Variants in PLCH2 observed in about 807,000 individuals in gnomAD.
PLCH2 encodes the protein 1-phosphatidylinositol 4,5-bisphosphate phosphodiesterase eta-2.
Under a neutral mutation model 134.7 loss-of-function variants are expected in PLCH2, and 98 were observed. The observed-to-expected ratio is 0.73, with a 90% confidence interval of 0.62 to 0.86. The LOEUF (loss-of-function observed/expected upper bound fraction) is 0.86. Among genes scored for constraint, PLCH2 ranks in the 40% least tolerant of loss-of-function variants. PLCH2 has a pLI of 0.00. For synonymous variants in PLCH2, 974 were observed against 827.5 expected, an observed-to-expected ratio of 1.18 and a Z score of -3.04; for missense variants, 1,994 against 1,986.6, an observed-to-expected ratio of 1.00 and a Z score of -0.07.
upstream of PLCH2, among the ~76,000 whole-genome samples, chr1:2,423,784 T>C (rs12118145): frequency 0.17 from 26,504 of 152,180 alleles, 2,486 homozygotes; most frequent in East Asian, 0.34. Flanking sequence ...GTTCTCTCTA[T>C]GGTAGTTAGG....
At chr1:2,425,302 C>T (rs1193654178), upstream of PLCH2, among the ~76,000 whole-genome samples, 1 of 151,810 alleles carries the variant, frequency 6.6e-6, no homozygotes, top group East Asian at 1.9e-4. Flanking sequence ...CACAGATACA[C>T]ATATACATAC....
At chr1:2,445,342 G>A (rs1363528005) in intron 2 of PLCH2, among the ~76,000 whole-genome samples, 1 of 152,134 alleles carries the variant, frequency 6.6e-6, no homozygotes, top group Non-Finnish European at 1.5e-5. Context: ...GGAGACTGGC[G>A]CCTGCTTGGC....
At chr1:2,479,693 G>A (rs1641845021) in intron 2 of PLCH2, 41 bp from the exon 3 acceptor site, 1 of 1,508,394 alleles carries the variant, frequency 6.6e-7, no homozygotes, top group Admixed American at 2.0e-5. Context: ...GGGACGCTGG[G>A]CCCCCGGGGA....
chr1:2,438,195 G>A (rs1639523027), intron 2 of PLCH2, among the ~76,000 whole-genome samples: 1 of 152,256 alleles, frequency 6.6e-6, no homozygotes, highest in South Asian at 2.1e-4. Flanking sequence ...AAATGAGCAA[G>A]CGCGGAGATG....
chr1:2,505,349 C>A lies in PLCH2; in HGVS notation c.*136C>A. On this transcript the variant is annotated 3_prime_UTR_variant, in exon 22 of 22. Transcript: ENST00000378486. ...CCCTGTGTCCCCTCCACCCCTGCCT[C>A]CCTCCTGCCCCTGCTCCCGGGGAGG... 1 of 635,716 alleles carries A rather than the reference C, an allele frequency of 1.6e-6. No individual in the cohort carries two copies. The highest frequency in any genetic ancestry group is 2.6e-6 in the Non-Finnish European group (1 of 378,922). The allele number at this position is 635,716 out of a possible 1,614,324, so 39.4% of individuals were successfully genotyped here.
chr1:2,502,268 G>C lies in PLCH2; in HGVS notation c.2818G>C (p.Gly940Arg). ...ASAPTKSQKP[G>R]RRGFPELVLG... is the part of the protein sequence containing the mutation. ...CGCCCCGACCAAGAGCCAGAAGCCG[G>C]GCCGCAGGGGCTTCCCGGAGCTGGT... The change falls in exon 21 of 22, where the codon GGC becomes CGC. Residue 940 changes from glycine to arginine, a missense_variant. Transcript: ENST00000378486. 1 of 1,540,112 alleles carries C rather than the reference G, an allele frequency of 6.5e-7. No individual in the cohort carries two copies. The highest frequency in any genetic ancestry group is 8.7e-7 in the Non-Finnish European group (1 of 1,144,088).
rs777925023 is a variant in PLCH2, at chr1:2,479,872, C to A, written c.410C>A (p.Ser137Tyr). 1 of 1,611,766 alleles carries A rather than the reference C, an allele frequency of 6.2e-7. No individual in the cohort carries two copies. The highest frequency in any genetic ancestry group is 8.5e-7 in the Non-Finnish European group (1 of 1,179,574). ...CACCGCGAGTCGCTGGACCTGGTCT[C>A]CACCAGCAGCGAGGTGGCGCGCACC... The part of the protein sequence containing the change: ...GSHRESLDLV[S>Y]TSSEVARTWV... Residue 137 changes from serine to tyrosine, a missense_variant, in exon 3 of 22, where the codon TCC (serine) becomes TAC (tyrosine). Coordinates refer to ENST00000378486, the MANE Select transcript of PLCH2 (RefSeq NM_014638.4).
chr1:2,495,781 T>TGGC (rs773610547), intron 13 of PLCH2, among the ~76,000 whole-genome samples: 1 of 152,034 alleles, frequency 6.6e-6, no homozygotes, highest in Admixed American at 6.5e-5. Flanking sequence ...GCTGAGCAGG[T>TGGC]GGCTGGAGGG....
rs764475064 is a variant in PLCH2, at chr1:2,491,241, A to G, written c.1565A>G (p.Asp522Gly). The G allele has an allele frequency of 6.2e-7, 1 of 1,613,186 alleles. No homozygotes were observed. Among genetic ancestry groups the G allele is most frequent in the Admixed American group, 1.7e-5 (1 of 60,016 alleles). Residue 522 changes from aspartate to glycine, a missense_variant, in exon 11 of 22, where the codon GAT (aspartate) becomes GGT (glycine). Physicochemically the swap from Asp to Gly is moderately conservative, Grantham distance 94. Coordinates refer to ENST00000378486, the MANE Select transcript of PLCH2 (RefSeq NM_014638.4). The part of the protein sequence containing the change: ...RVENTAKRKL[D>G]SLIKESKIRD... ...GAAAACACTGCTAAGAGGAAACTGG[A>G]TTCCCTCATCAAAGAGTCGAAGATT...
At position 2,498,404 on chromosome 1, in the gene PLCH2, G is replaced by C; in HGVS notation, c.2225-119G>C. 2.5e-6 allele frequency: 3 copies of C among 1,181,700 alleles called. No individual in the cohort carries two copies. Among genetic ancestry groups the C allele is most frequent in the Non-Finnish European group, 3.5e-6 (3 of 851,316 alleles). The allele number at this position is 1,181,700 out of a possible 1,614,324, so 73.2% of individuals were successfully genotyped here. ...GACCACTGCCTCCCTCCCTCCCCCT[G>C]GCACCGGCTCCAGTCTCCTATGTGG... On this transcript the variant is annotated intron_variant, in intron 16 of 21. Coordinates refer to ENST00000378486, the MANE Select transcript of PLCH2 (RefSeq NM_014638.4). The surrounding 1 kb of genome is among the most constrained non-coding windows in gnomAD (Gnocchi z 5.4).
upstream of PLCH2, among the ~76,000 whole-genome samples, chr1:2,464,975 G>A (rs976412224): frequency 2.6e-4 from 40 of 152,294 alleles, no homozygotes; most frequent in African/African-American, 8.9e-4. Context: ...TGGGCTTGGT[G>A]TCACTGAAGC....
rs530820438 is a variant in PLCH2 at position 2,461,973 on chromosome 1, CT to C, written c.116-16502del. 4.3e-3 allele frequency among the ~76,000 whole-genome samples: 648 copies of C among 152,106 alleles called. 9 individuals carry two copies. Among genetic ancestry groups the C allele is most frequent in the African/African-American group, 0.015 (613 of 41,462 alleles). Reference sequence around the variant, plus strand: ...TCCCACTTTCTTGGGGCTGCCTCCCCTGGCGCCCCCTCTCTGGAACTCTGCC... The same window carrying C: ...TCCCACTTTCTTGGGGCTGCCTCCCCGGCGCCCCCTCTCTGGAACTCTGCC... On this transcript the variant is annotated intron_variant, in intron 2 of 3. Transcript: ENST00000609981.
intron 8 of PLCH2, among the ~76,000 whole-genome samples, chr1:2,488,687 C>T (rs1642406361): frequency 6.6e-6 from 1 of 152,256 alleles, no homozygotes; most frequent in African/African-American, 2.4e-5. Flanking sequence ...ACTCCCCATT[C>T]TGCACTGTGC....
intron 21 of PLCH2, chr1:2,503,712 C>G: frequency 1.6e-6 from 1 of 631,420 alleles, no homozygotes; most frequent in Non-Finnish European, 2.9e-6. Flanking sequence ...CGGCACAGGG[C>G]GTGGACTGGG....
At chr1:2,457,841 C>G (rs554118559) in intron 2 of PLCH2, among the ~76,000 whole-genome samples, 29 of 151,204 alleles carry the variant, frequency 1.9e-4, no homozygotes, top group African/African-American at 6.8e-4. Flanking sequence ...TTTCCTCTTG[C>G]CTAATGGGCA....
chr1:2,479,559 C>G, intron 2 of PLCH2, 175 bp from the exon 3 acceptor site: 1 of 617,266 alleles, frequency 1.6e-6, no homozygotes, highest in East Asian at 2.8e-5. Flanking sequence ...GGGGGCTGTG[C>G]AGTCTCGCAG....
At position 2,505,234 on chromosome 1, in the gene PLCH2, G is replaced by GGC; in HGVS notation, c.*23_*24dup. On this transcript the variant is annotated 3_prime_UTR_variant, in exon 22 of 22. Coordinates refer to ENST00000378486, the MANE Select transcript of PLCH2 (RefSeq NM_014638.4). Reference sequence around the variant, plus strand: ...TCTGACCGTCAGTGGTGGGAACCTGGGCGGCTCTGGAGGCCCAGGGCAGGG... The same window carrying GGC: ...TCTGACCGTCAGTGGTGGGAACCTGGGCGCGGCTCTGGAGGCCCAGGGCAGGG... 3 of 1,547,874 alleles carry GGC rather than the reference G, an allele frequency of 1.9e-6. No homozygotes were observed. Among genetic ancestry groups the GGC allele is most frequent in the Non-Finnish European group, 2.6e-6 (3 of 1,154,380 alleles).
chr1:2,451,567 A>G (rs953780226), intron 2 of PLCH2, among the ~76,000 whole-genome samples: 2 of 152,032 alleles, frequency 1.3e-5, no homozygotes, highest in East Asian at 3.9e-4. Flanking sequence ...ACCCACCAAC[A>G]TGTCCTATCA....
At chr1:2,457,664 C>T (rs1025809882) in intron 2 of PLCH2, among the ~76,000 whole-genome samples, 8 of 152,124 alleles carry the variant, frequency 5.3e-5, no homozygotes, top group Admixed American at 6.5e-5. Flanking sequence ...CTGAAGGAAG[C>T]GGTTTCCTCA....
Sources: gnomAD v4.1 joint callset for allele counts (sites outside exome capture counted in the v4.1 genomes callset) on GRCh38, gnomAD v4.1.1 for gene constraint, Gnocchi (gnomAD v3.1) non-coding constraint, MANE v1.5 for transcripts, NCBI Gene and HGNC (gene_info 2026-07-23, HGNC 2026-07-21) for gene names.